ZNF286A: variants seen among roughly 807,000 people sequenced by gnomAD.
The protein encoded by ZNF286A is zinc finger protein ZNF286.
Under a neutral mutation model 49.3 loss-of-function variants are expected in ZNF286A, and 34 were observed. The observed-to-expected ratio is 0.69, with a 90% CI of 0.52 to 0.92. ZNF286A has a LOEUF of 0.92. Among genes scored for constraint, ZNF286A ranks in the 40% least tolerant of loss-of-function variants. ZNF286A has a pLI of 0.00. For synonymous variants in ZNF286A, 155 were observed against 200.4 expected, an observed-to-expected ratio of 0.77 and a Z score of 1.91; for missense variants, 462 against 600.2, an observed-to-expected ratio of 0.77 and a Z score of 2.41.
At chr17:15,715,249 G>T (rs1264384226) in intron 5 of ZNF286A, among the ~76,000 whole-genome samples, 1 of 150,656 alleles carries the variant, frequency 6.6e-6, no homozygotes, top group Non-Finnish European at 1.5e-5. Flanking sequence ...AACAGTATAG[G>T]TATTTGTACC....
At chr17:15,706,823 G>A (rs1990259420) in intron 4 of ZNF286A, among the ~76,000 whole-genome samples, 1 of 152,080 alleles carries the variant, frequency 6.6e-6, no homozygotes, top group Admixed American at 6.6e-5. Context: ...AATTAGCTTG[G>A]TTTTGCTCTG....
At chr17:15,709,047 AC>A (rs1386225870) in intron 5 of ZNF286A, among the ~76,000 whole-genome samples, 1 of 152,166 alleles carries the variant, frequency 6.6e-6, no homozygotes, top group Non-Finnish European at 1.5e-5. Flanking sequence ...TGTACCAATT[AC>A]ATTCCTAGCA....
At chr17:15,709,731 A>G (rs1990509277) in intron 5 of ZNF286A, 2 of 1,275,712 alleles carry the variant, frequency 1.6e-6, no homozygotes, top group Admixed American at 2.7e-5. Context: ...GTTAATATAT[A>G]TGAATTATGT....
Position 15,708,191 on chromosome 17 carries a change from A to C in ZNF286A, c.278A>C (p.Glu93Ala). 1.3e-6 allele frequency: 2 copies of C among 1,598,606 alleles called. No homozygotes were observed. Among genetic ancestry groups the C allele is most frequent in the Non-Finnish European group, 1.7e-6 (2 of 1,173,022 alleles). ...TCCAAACCTGAGAGCTACAACTTGG[A>C]GAATGGAAAAGAACCATTGAAGCTT... ...PVSKPESYNL[E>A]NGKEPLKLER... is the part of the protein sequence containing the mutation. Residue 93 changes from glutamate to alanine, a missense_variant, in exon 5 of 6, where the codon GAG (glutamate) becomes GCG (alanine). Around this residue, in one of 3 missense-constraint regions of ZNF286A, gnomAD observed 259 missense variants for 272.2 expected, o/e 0.95. Transcript: ENST00000583566.
chr17:15,704,119 A>G (rs1990007262), intron 3 of ZNF286A: 9 of 664,338 alleles, frequency 1.4e-5, no homozygotes, highest in Non-Finnish European at 1.8e-5. Flanking sequence ...TCCAGGTCCC[A>G]GTGCCCCCTG....
intron 5 of ZNF286A, among the ~76,000 whole-genome samples, chr17:15,709,198 T>C (rs1272420873): frequency 6.6e-6 from 1 of 150,950 alleles, no homozygotes; most frequent in Non-Finnish European, 1.5e-5. Context: ...GTTAAAGCCC[T>C]TTTATTCTCA....
rs142940552 is a variant in ZNF286A, at chr17:15,703,637, A to G, written c.126+2397A>G. Among the ~76,000 whole-genome samples the G allele has an allele frequency of 3.7e-3, 560 of 152,200 alleles. 2 individuals are homozygous for G. The highest frequency in any genetic ancestry group is 0.011 in the African/African-American group (468 of 41,522). On this transcript the variant is annotated intron_variant, in intron 3 of 5. Coordinates refer to ENST00000583566, the MANE Select transcript of ZNF286A (RefSeq NM_001130842.2). ...ACTGTATTCAGACATATGGTATACT[A>G]TATTTCCTTCCATCTACCTACCAGT...
chr17:15,699,930 C>T, intron 1 of ZNF286A, 153 bp downstream of exon 1: 1 of 652,398 alleles, frequency 1.5e-6, no homozygotes, highest in South Asian at 1.7e-5. Flanking sequence ...CTGGCCTGAT[C>T]CTCTCCTCGG....
chr17:15,708,021 A>G, intron 4 of ZNF286A, 134 bp from the exon 5 acceptor site: 1 of 504,458 alleles, frequency 2.0e-6, no homozygotes, highest in East Asian at 3.6e-5. Flanking sequence ...ATTTTTATAA[A>G]TTAAAAAAAA....
At chr17:15,707,400 A>G (rs564900245) in intron 4 of ZNF286A, among the ~76,000 whole-genome samples, 6 of 150,776 alleles carry the variant, frequency 4.0e-5, no homozygotes, top group Non-Finnish European at 7.4e-5. Flanking sequence ...AGATTGCGCC[A>G]CTGCACTCCA....
At chr17:15,700,453 G>GCT (rs2151446314) in intron 2 of ZNF286A, 87 bp downstream of exon 2, 1 of 726,312 alleles carries the variant, frequency 1.4e-6, no homozygotes, top group African/African-American at 1.7e-5. Flanking sequence ...AGGGGAGGTG[G>GCT]CTCTTGGCTG....
intron 5 of ZNF286A, among the ~76,000 whole-genome samples, chr17:15,711,791 GGTT>G (rs1990665005): frequency 1.3e-5 from 2 of 150,426 alleles, no homozygotes; most frequent in African/African-American, 2.4e-5. Flanking sequence ...TCTAAATGGT[GGTT>G]GTTGTTCAGT....
chr17:15,702,339 A>C (rs901134067), intron 3 of ZNF286A, among the ~76,000 whole-genome samples: 2 of 151,856 alleles, frequency 1.3e-5, no homozygotes, highest in African/African-American at 2.4e-5. Flanking sequence ...ACATGGTGAA[A>C]CCTCGTCTTT....
chr17:15,713,389 G>C (rs9303131), intron 5 of ZNF286A, among the ~76,000 whole-genome samples: 69,416 of 152,038 alleles, frequency 0.46, 16,575 homozygotes, highest in African/African-American at 0.59. Context: ...ATAGAAGGTA[G>C]CTATATTCTT....
chr17:15,712,749 G>A (rs1320925755), intron 5 of ZNF286A, among the ~76,000 whole-genome samples: 2 of 151,796 alleles, frequency 1.3e-5, no homozygotes, highest in East Asian at 3.9e-4. Context: ...TCTCAACATT[G>A]TAGTGAGACT....
chr17:15,708,664 C>T (rs1235764331), intron 5 of ZNF286A, among the ~76,000 whole-genome samples: 1 of 152,106 alleles, frequency 6.6e-6, no homozygotes, highest in Non-Finnish European at 1.5e-5. Context: ...ACTTATAGCA[C>T]CAAGTTTTGA....
In ZNF286A at chr17:15,716,989, G is replaced by A. The variant is rs1053253980; in HGVS notation, c.1265G>A (p.Ser422Asn). ...GAATGTGGAAAAACTTTTAGTCAGA[G>A]CACACATCTTGTTCAACATCAGAGA... ...CSECGKTFSQSTHLVQHQRIH... is the reference protein window; with the variant it reads ...CSECGKTFSQNTHLVQHQRIH... The change falls in exon 6 of 6, where the codon AGC (serine) becomes AAC (asparagine). Residue 422 changes from serine to asparagine, a missense_variant. Transcript: ENST00000583566. 6.2e-7 allele frequency: 1 copy of A among 1,613,440 alleles called. No homozygotes were observed. The highest frequency in any genetic ancestry group is 1.1e-5 in the South Asian group (1 of 91,024).
At position 15,717,676 on chromosome 17, in the gene ZNF286A, T is replaced by A. The variant is rs1301220773; in HGVS notation, c.*386T>A. On this transcript the variant is annotated 3_prime_UTR_variant, in exon 6 of 6. Coordinates refer to ENST00000583566, the MANE Select transcript of ZNF286A (RefSeq NM_001130842.2). ...TTATTGGGTAGGTTAGGCTGAGGGCTTACATCCTTATCATCAGGAAGACAC... is the reference window on the plus strand; with the variant it reads ...TTATTGGGTAGGTTAGGCTGAGGGCATACATCCTTATCATCAGGAAGACAC... 1 of 153,304 alleles carries A rather than the reference T, an allele frequency of 6.5e-6. No individual in the cohort carries two copies. Among genetic ancestry groups the A allele is most frequent in the Non-Finnish European group, 1.3e-5 (1 of 77,490 alleles). The allele number at this position is 153,304 out of a possible 1,614,324, so 9.5% of individuals were successfully genotyped here.
intron 3 of ZNF286A, among the ~76,000 whole-genome samples, chr17:15,705,241 T>G (rs931981411): frequency 6.6e-6 from 1 of 152,188 alleles, no homozygotes; most frequent in Non-Finnish European, 1.5e-5. Flanking sequence ...TTTACTTTGC[T>G]TTATTATTAT....
Sources: gnomAD v4.1 joint callset for allele counts (sites outside exome capture counted in the v4.1 genomes callset) on GRCh38, gnomAD v4.1.1 for gene constraint, gnomAD v4.1.1 regional missense constraint, MANE v1.5 for transcripts, NCBI Gene and HGNC (gene_info 2026-07-23, HGNC 2026-07-21) for gene names.